Variants in PACSIN2 observed in about 807,000 individuals in gnomAD.
PACSIN2 encodes protein kinase C and casein kinase substrate in neurons 2.
In PACSIN2, 25 loss-of-function variants were observed where a neutral mutation model predicts 63.8. The observed-to-expected ratio is 0.39, with a 90% CI of 0.29 to 0.55. PACSIN2 has a LOEUF of 0.55. PACSIN2 is among the 20% of genes least tolerant of loss of function. The probability of loss-of-function intolerance (pLI) is 0.62; values close to 1 mark genes in which losing one functional copy is unlikely to be tolerated. For missense variants in PACSIN2, 518 were observed against 646.9 expected (o/e 0.80, Z 2.16); for synonymous variants, 255 against 256.2 (o/e 1.00, Z 0.05).
chr22:42,959,588 A>G (rs941688899), intron 1 of PACSIN2: 1 of 152,252 alleles, frequency 6.6e-6, no homozygotes, highest in African/African-American at 2.4e-5. Context: ...ATCTTCTCCA[A>G]GCACCCTGGA....
At chr22:42,907,221 G>C (rs936694028) in intron 2 of PACSIN2, among the ~76,000 whole-genome samples, 1 of 152,212 alleles carries the variant, frequency 6.6e-6, no homozygotes, top group Non-Finnish European at 1.5e-5. Context: ...ACACATGCTC[G>C]TGTCTTGGCC....
At chr22:42,934,967 G>A (rs1436908792) in intron 1 of PACSIN2, among the ~76,000 whole-genome samples, 1 of 151,600 alleles carries the variant, frequency 6.6e-6, no homozygotes, top group Non-Finnish European at 1.5e-5. Context: ...CCAGGCTGGA[G>A]TGCAGTGGCG....
intron 1 of PACSIN2, among the ~76,000 whole-genome samples, chr22:43,003,009 A>AC (rs1923861565): frequency 1.3e-5 from 2 of 152,212 alleles, no homozygotes; most frequent in African/African-American, 4.8e-5. Context: ...ATGGCCTTGA[A>AC]CTAGGCACCT....
intron 1 of PACSIN2, among the ~76,000 whole-genome samples, chr22:42,919,602 G>C (rs1932029996): frequency 6.6e-6 from 1 of 151,764 alleles, no homozygotes; most frequent in African/African-American, 2.4e-5. Flanking sequence ...GTGAAACTGT[G>C]TCTCTACTAA....
chr22:43,001,825 G>C (rs1186113244), intron 1 of PACSIN2, among the ~76,000 whole-genome samples: 2 of 152,194 alleles, frequency 1.3e-5, no homozygotes, highest in Admixed American at 1.3e-4. Flanking sequence ...GGAATTCTAG[G>C]GAGGGGACCC....
At position 43,010,327 on chromosome 22, in the gene PACSIN2, C is replaced by A. The variant is rs566108820; in HGVS notation, c.-78+4694G>T. 5.3e-5 allele frequency among the ~76,000 whole-genome samples: 8 copies of A among 149,830 alleles called. No homozygotes were observed. The South Asian group carries it at 1.7e-3, about 32-fold the overall frequency. On this transcript the variant is annotated intron_variant, in intron 1 of 10. Transcript: ENST00000263246. ...CCCGAGATGGGAGGATCACTTGAGG[C>A]CAGGGGTTTGAGACCAGCCTGGCAA... is the stretch of plus-strand genomic sequence containing the variant.
intron 5 of PACSIN2, among the ~76,000 whole-genome samples, chr22:42,888,300 G>A (rs1929640750): frequency 6.6e-6 from 1 of 151,928 alleles, no homozygotes; most frequent in African/African-American, 2.4e-5. Context: ...CCTGCCACCA[G>A]CCACACCCAT....
chr22:42,974,775 A>G (rs1304031630), intron 1 of PACSIN2, among the ~76,000 whole-genome samples: 2 of 150,430 alleles, frequency 1.3e-5, no homozygotes, highest in African/African-American at 5.0e-5. Flanking sequence ...AGAAAAGAAA[A>G]GAGAAGAAGG....
At chr22:42,893,033 A>G (rs1264754865) in intron 3 of PACSIN2, among the ~76,000 whole-genome samples, 1 of 152,258 alleles carries the variant, frequency 6.6e-6, no homozygotes, top group Admixed American at 6.5e-5. Flanking sequence ...CTTAAAATGT[A>G]AACTCAGAAA....
chr22:42,906,620 T>C (rs1931092616), intron 2 of PACSIN2, among the ~76,000 whole-genome samples: 1 of 152,172 alleles, frequency 6.6e-6, no homozygotes, highest in African/African-American at 2.4e-5. Context: ...TTAGGAAAAC[T>C]ATTTTCTCAC....
chr22:42,883,815 A>C (rs1019086300), intron 6 of PACSIN2, among the ~76,000 whole-genome samples: 20 of 152,278 alleles, frequency 1.3e-4, no homozygotes, highest in Non-Finnish European at 2.4e-4. Flanking sequence ...ACCATCCTGG[A>C]CAACATGGTG....
At chr22:42,938,918 T>C (rs897365555) in intron 1 of PACSIN2, among the ~76,000 whole-genome samples, 2 of 152,220 alleles carry the variant, frequency 1.3e-5, no homozygotes, top group African/African-American at 2.4e-5. Context: ...CAGATTCATA[T>C]AGTAACCCTT....
At chr22:42,906,343 A>C (rs1931072673) in intron 2 of PACSIN2, among the ~76,000 whole-genome samples, 1 of 152,252 alleles carries the variant, frequency 6.6e-6, no homozygotes, top group Non-Finnish European at 1.5e-5. Context: ...CTCAACGTCA[A>C]AGTCTGTCCA....
In PACSIN2 at chr22:42,979,290, G is replaced by C. The variant is rs189531684; in HGVS notation, c.-78+35731C>G. On this transcript the variant is annotated intron_variant, in intron 1 of 10. Transcript: ENST00000263246. Reference sequence around the variant, plus strand: ...TGCAATCTCAGCACTTTGGGAGGCAGAGGCAGGTGGATCACCTAAGATCGG... The same window carrying C: ...TGCAATCTCAGCACTTTGGGAGGCACAGGCAGGTGGATCACCTAAGATCGG... Among the ~76,000 whole-genome samples the C allele has an allele frequency of 1.1e-3, 168 of 152,296 alleles. 1 individual carries two copies. The highest frequency in any genetic ancestry group is 3.6e-3 in the African/African-American group (151 of 41,566).
intron 1 of PACSIN2, among the ~76,000 whole-genome samples, chr22:42,922,741 C>T (rs1459284265): frequency 6.6e-6 from 1 of 152,250 alleles, no homozygotes; most frequent in African/African-American, 2.4e-5. Flanking sequence ...TACCATGTGC[C>T]AGGCACTCTT....
At chr22:43,014,181 G>C (rs541149097) in intron 1 of PACSIN2, among the ~76,000 whole-genome samples, 1 of 151,726 alleles carries the variant, frequency 6.6e-6, no homozygotes, top group Admixed American at 6.5e-5. Context: ...GAAAGCCCTA[G>C]AGGAGTAAGG....
At position 42,891,139 on chromosome 22, in the gene PACSIN2, C is replaced by T. The variant is rs1478648251; in HGVS notation, c.261G>A (p.Met87Ile). The T allele has an allele frequency of 6.2e-7, 1 of 1,614,104 alleles. No homozygotes were observed. Among genetic ancestry groups the T allele is most frequent in the South Asian group, 1.1e-5 (1 of 91,080 alleles). Residue 87 changes from methionine (M) to isoleucine (I), a missense_variant, in exon 4 of 11, where the codon ATG becomes ATA. Met to Ile is a conservative substitution (Grantham distance 10). Transcript: ENST00000263246. ...GTVEKAWMAF[M>I]SEAERVSELH... is the part of the protein sequence containing the mutation. ...GCTCGCTCACCCTCTCTGCCTCGGA[C>T]ATGAAGGCCATCCAGGCCTTCTCCA... is the stretch of plus-strand genomic sequence containing the variant.
At chr22:42,951,558 T>G (rs1370565374) in intron 1 of PACSIN2, among the ~76,000 whole-genome samples, 1 of 152,176 alleles carries the variant, frequency 6.6e-6, no homozygotes, top group Non-Finnish European at 1.5e-5. Context: ...CACCTCTTGC[T>G]CCTGCATCCC....
chr22:42,939,295 G>A (rs1273220838), intron 1 of PACSIN2, among the ~76,000 whole-genome samples: 2 of 152,282 alleles, frequency 1.3e-5, no homozygotes, highest in Middle Eastern at 3.4e-3. Context: ...GGAGATGGAG[G>A]CTGAACACTT....
Sources: gnomAD v4.1 joint callset for allele counts (sites outside exome capture counted in the v4.1 genomes callset) on GRCh38, gnomAD v4.1.1 for gene constraint, MANE v1.5 for transcripts, NCBI Gene and HGNC (gene_info 2026-07-23, HGNC 2026-07-21) for gene names.